Variants in PPFIBP2 observed in about 807,000 individuals in gnomAD.
PPFIBP2 encodes the protein liprin-beta-2.
Under a neutral mutation model 118.3 loss-of-function variants are expected in PPFIBP2, and 118 were observed. The ratio of observed to expected loss-of-function variants is 1.00; its 90% confidence interval spans 0.86 to 1.16. The LOEUF (loss-of-function observed/expected upper bound fraction) is 1.16, where lower values mean the gene tolerates loss of function less well. PPFIBP2 is among the 50% of genes most tolerant of loss of function. The pLI is 0.00. For synonymous variants in PPFIBP2, 414 were observed against 397.4 expected (o/e 1.04, Z -0.50); for missense variants, 1,195 against 1,073.1 (o/e 1.11, Z -1.59).
chr11:7,657,757 G>C (rs1338038112), downstream of PPFIBP2, among the ~76,000 whole-genome samples: 1 of 152,184 alleles, frequency 6.6e-6, no homozygotes, highest in African/African-American at 2.4e-5. Context: ...CATCTCTCAG[G>C]AAGCCTTCCC....
chr11:7,604,478 A>AC (rs751921873), intron 5 of PPFIBP2, among the ~76,000 whole-genome samples: 6 of 129,776 alleles, frequency 4.6e-5, no homozygotes, highest in African/African-American at 2.0e-4. Flanking sequence ...ACGCACACAC[A>AC]CCCCCCCATA....
At chr11:7,620,255 C>G (rs1170129543) in intron 6 of PPFIBP2, among the ~76,000 whole-genome samples, 1 of 152,126 alleles carries the variant, frequency 6.6e-6, no homozygotes. Context: ...ACCTTAGGGC[C>G]TCACCTTAAC....
At chr11:7,585,421 C>T (rs1354179178) in intron 3 of PPFIBP2, among the ~76,000 whole-genome samples, 1 of 152,160 alleles carries the variant, frequency 6.6e-6, no homozygotes, top group Non-Finnish European at 1.5e-5. Flanking sequence ...AGCCCTTGCC[C>T]CATTTGACTA....
At chr11:7,563,171 C>A (rs1854539707) in intron 2 of PPFIBP2, among the ~76,000 whole-genome samples, 1 of 151,918 alleles carries the variant, frequency 6.6e-6, no homozygotes, top group African/African-American at 2.4e-5. Context: ...TTCCATCCAC[C>A]TTTTAGCCTG....
chr11:7,658,303 C>T (rs1409924985), downstream of PPFIBP2, among the ~76,000 whole-genome samples: 1 of 116,164 alleles, frequency 8.6e-6, no homozygotes, highest in Non-Finnish European at 1.7e-5. Context: ...CCCCTCCCCC[C>T]ACCCCACAAC....
intron 3 of PPFIBP2, among the ~76,000 whole-genome samples, chr11:7,590,741 G>C (rs2135202311): frequency 6.6e-6 from 1 of 152,274 alleles, no homozygotes; most frequent in Non-Finnish European, 1.5e-5. Context: ...AGTCTCCATG[G>C]AATTGCTTTC....
chr11:7,588,857 T>G (rs930383263), intron 3 of PPFIBP2, among the ~76,000 whole-genome samples: 2 of 152,192 alleles, frequency 1.3e-5, no homozygotes, highest in Non-Finnish European at 2.9e-5. Context: ...TTCCGTGATA[T>G]AGGAGAGGTA....
intron 9 of PPFIBP2, among the ~76,000 whole-genome samples, chr11:7,628,818 C>T (rs1009494271): frequency 6.6e-5 from 10 of 152,172 alleles, no homozygotes; most frequent in African/African-American, 2.4e-4. Flanking sequence ...ATAAAGAGTG[C>T]CTGGCTGGTA....
chr11:7,528,681 TCAGTAAGCATTTGCTGA>T (rs1466745493), intron 1 of PPFIBP2, among the ~76,000 whole-genome samples: 14 of 152,150 alleles, frequency 9.2e-5, no homozygotes, highest in Non-Finnish European at 1.9e-4. Context: ...CCGATACAGT[TCAGTAAGCATTTGCTGA>T]GAGCCTGCCC....
At chr11:7,598,292 T>C in intron 5 of PPFIBP2, 1 of 306,764 alleles carries the variant, frequency 3.3e-6, no homozygotes, top group Non-Finnish European at 6.4e-6. Context: ...TATTATATTT[T>C]TCCCATTTAA....
the PPFIBP2 span, among the ~76,000 whole-genome samples, chr11:7,662,649 T>C: frequency 6.2e-4 from 90 of 145,464 alleles, 2 homozygotes; most frequent in African/African-American, 2.2e-3. Context: ...TCTCGAGGAG[T>C]ATCTTTCTGG....
chr11:7,577,184 C>CGT (rs1856467033), intron 3 of PPFIBP2: 4 of 176,268 alleles, frequency 2.3e-5, no homozygotes, highest in South Asian at 1.2e-4. Flanking sequence ...AGAATGGTCC[C>CGT]GTGTGTGTGT....
chr11:7,661,527 T>C (rs879570929), downstream of PPFIBP2, among the ~76,000 whole-genome samples: 1,188 of 144,906 alleles, frequency 8.2e-3, 5 homozygotes, highest in Non-Finnish European at 0.012. Context: ...TTGTTATAAT[T>C]TCTGTTCTTT....
rs1273089429 is a variant in PPFIBP2, at chr11:7,549,430, G to C, written c.-36-10G>C. ...GTAATTTTTCCTTTGTTCTGTATTT[G>C]AATTTTCAGTAAGAAGAGGAGGAGG... is the stretch of plus-strand genomic sequence containing the variant. On this transcript the variant is annotated splice_polypyrimidine_tract_variant and intron_variant, in intron 1 of 23. Coordinates refer to ENST00000299492, the MANE Select transcript of PPFIBP2 (RefSeq NM_003621.5). 6.4e-7 allele frequency: 1 copy of C among 1,551,384 alleles called. No individual in the cohort carries two copies. The highest frequency in any genetic ancestry group is 1.2e-5 in the South Asian group (1 of 84,024).
downstream of PPFIBP2, chr11:7,653,845 A>T (rs1590834396): frequency 8.7e-7 from 1 of 1,154,542 alleles, no homozygotes; most frequent in Non-Finnish European, 1.1e-6. Context: ...AGAGCTGAAG[A>T]GCCGGTGGCA....
intron 1 of PPFIBP2, among the ~76,000 whole-genome samples, chr11:7,547,880 C>T (rs1852505276): frequency 6.6e-6 from 1 of 152,192 alleles, no homozygotes; most frequent in South Asian, 2.1e-4. Context: ...GGTTGCTTAT[C>T]TTCCTTCCCC....
intron 1 of PPFIBP2, among the ~76,000 whole-genome samples, chr11:7,538,812 A>G (rs1426976787): frequency 3.3e-5 from 5 of 152,208 alleles, no homozygotes; most frequent in Non-Finnish European, 5.9e-5. Context: ...GCCACCACCC[A>G]GCACTGCCAG....
intron 1 of PPFIBP2, among the ~76,000 whole-genome samples, chr11:7,539,658 G>C (rs960472495): frequency 2.0e-5 from 3 of 152,242 alleles, no homozygotes; most frequent in African/African-American, 7.2e-5. Flanking sequence ...CCCTGGAGAA[G>C]TCTGTCCTGG....
At chr11:7,608,759 T>C (rs1487019989) in intron 5 of PPFIBP2, among the ~76,000 whole-genome samples, 1 of 152,262 alleles carries the variant, frequency 6.6e-6, no homozygotes, top group Non-Finnish European at 1.5e-5. Context: ...ATTGGGATAA[T>C]ATTTATTGCC....
Sources: allele counts gnomAD v4.1 joint callset (sites outside exome capture counted in the v4.1 genomes callset), GRCh38; gene constraint gnomAD v4.1.1; transcripts MANE v1.5; gene names NCBI Gene and HGNC (gene_info 2026-07-23, HGNC 2026-07-21).